ATP8B3: variants seen among roughly 807,000 people sequenced by gnomAD.
The protein encoded by ATP8B3 is ATPase phospholipid transporting 8B3.
Under a neutral mutation model 140.9 loss-of-function variants are expected in ATP8B3, and 141 were observed. The ratio of observed to expected loss-of-function variants is 1.00; its 90% confidence interval spans 0.87 to 1.15. The LOEUF (loss-of-function observed/expected upper bound fraction) is 1.15. Among genes scored for constraint, ATP8B3 ranks in the 50% most tolerant of loss-of-function variants. ATP8B3 has a pLI of 0.00. For missense variants in ATP8B3, 1,874 were observed against 1,740.6 expected (o/e 1.08, Z -1.36); for synonymous variants, 765 against 714.6 (o/e 1.07, Z -1.13).
Position 1,784,895 on chromosome 19 carries a change from A to AGGACCT in ATP8B3, c.3583_3584insAGGTCC (p.Leu1194_Leu1195insGlnVal). On this transcript the variant is annotated inframe_insertion, in exon 28 of 29. Transcript: ENST00000310127. The stretch of plus-strand genomic sequence containing the variant: ...AGGGAAGGTGTTTATGGACACACTC[A>AGGACCT]GCAGGACCACCAGCAGGATGGAGGG... The AGGACCT allele has an allele frequency of 6.2e-7, 1 of 1,613,346 alleles. No individual in the cohort carries two copies. Among genetic ancestry groups the AGGACCT allele is most frequent in the Non-Finnish European group, 8.5e-7 (1 of 1,179,732 alleles).
At chr19:1,811,433 C>G (rs1384193953) in intron 2 of ATP8B3, 56 bp downstream of exon 2, 33 of 1,559,968 alleles carry the variant, frequency 2.1e-5, no homozygotes, top group Non-Finnish European at 2.9e-5. Flanking sequence ...CTAGCAGTGC[C>G]CTCCCCGCCA....
In ATP8B3 at chr19:1,791,835, G is replaced by GA; in HGVS notation, c.2216_2217insT (p.Arg740GlnfsTer8). 1.2e-6 allele frequency: 2 copies of GA among 1,611,432 alleles called. No individual in the cohort carries two copies. Among genetic ancestry groups the GA allele is most frequent in the Non-Finnish European group, 1.7e-6 (2 of 1,179,802 alleles). Reference sequence around the variant, plus strand: ...TTTCAGGGACACCGTCCTGGAGTCTGTCCTCGATGGCTGTGGCTCCCAGCA... The same window carrying GA: ...TTTCAGGGACACCGTCCTGGAGTCTGATCCTCGATGGCTGTGGCTCCCAGCA... On this transcript the variant is annotated frameshift_variant, in exon 20 of 29. Coordinates refer to ENST00000310127, the MANE Select transcript of ATP8B3 (RefSeq NM_138813.4). LOFTEE classifies it high-confidence loss of function.
At chr19:1,785,040 T>C in intron 27 of ATP8B3, 94 bp from the exon 28 acceptor site, 1 of 1,502,056 alleles carries the variant, frequency 6.7e-7, no homozygotes. Context: ...GCCTGGTCCA[T>C]AAAGGAGCGC....
chr19:1,805,460 G>T lies in ATP8B3; in HGVS notation c.822-4C>A. On this transcript the variant is annotated splice_polypyrimidine_tract_variant and splice_region_variant and intron_variant, in intron 9 of 28. Transcript: ENST00000310127. This position sits in a 1 kb window ranked among gnomAD's most constrained non-coding sequence, Gnocchi z 5.2. ...TCTGAACTTCAAGTTGGTCTCCCTG[G>T]TGACGAGGAGAGGAGGGAGGTGAAA... is the stretch of plus-strand genomic sequence containing the variant. 6.4e-6 allele frequency: 10 copies of T among 1,557,676 alleles called. No homozygotes were observed. The highest frequency in any genetic ancestry group is 8.7e-6 in the Non-Finnish European group (10 of 1,148,646).
chr19:1,792,579 C>CAAA (rs3050768), intron 18 of ATP8B3, among the ~76,000 whole-genome samples: 1,108 of 95,204 alleles, frequency 0.012, 18 homozygotes, highest in African/African-American at 0.033. Context: ...GACTCCATCT[C>CAAA]AAAAAAAAAA....
At chr19:1,810,765 C>G in intron 2 of ATP8B3, 82 bp from the exon 3 acceptor site, 1 of 1,345,862 alleles carries the variant, frequency 7.4e-7, no homozygotes, top group Non-Finnish European at 1.0e-6. Flanking sequence ...AGCTCACAGC[C>G]TAGGGGCCGA....
rs371744041 is a variant in ATP8B3 at position 1,800,083 on chromosome 19, G to C, written c.1416C>G (p.Asp472Glu). 1.3e-6 allele frequency: 2 copies of C among 1,579,266 alleles called. No homozygotes were observed. The highest frequency in any genetic ancestry group is 1.7e-6 in the Non-Finnish European group (2 of 1,162,770). The change falls in exon 14 of 29, where the codon GAC becomes GAG. Residue 472 changes from aspartate to glutamate, a missense_variant. This residue lies in a region of ATP8B3 where 1,032 missense variants were observed against 963.6 expected (regional missense o/e 1.07). Coordinates refer to ENST00000310127, the MANE Select transcript of ATP8B3 (RefSeq NM_138813.4). This position sits in a 1 kb window ranked among gnomAD's most constrained non-coding sequence, Gnocchi z 4.4. ...TGGTGCTGCGGGCCTTGGCAGGCAC[G>C]TCCTGCGGCTTGTAGTACATCTGCA... ...WDVQMYYKPQ[D>E]VPAKARSTSL...
chr19:1,793,030 G>T (rs1051675158), intron 18 of ATP8B3, among the ~76,000 whole-genome samples: 1 of 151,358 alleles, frequency 6.6e-6, no homozygotes, highest in Non-Finnish European at 1.5e-5. Context: ...GACCTTCTTG[G>T]AGGACTGTTT....
chr19:1,798,308 A>G lies in ATP8B3; in HGVS notation c.1553-1303T>C, dbSNP rs1332989716. ...ACTAAATTATGACCCAGTCCAAACC[A>G]CGTGCCCTGGTTATAAATTAGACCC... On this transcript the variant is annotated intron_variant, in intron 14 of 28. Coordinates refer to ENST00000310127, the MANE Select transcript of ATP8B3 (RefSeq NM_138813.4). 1.3e-5 allele frequency among the ~76,000 whole-genome samples: 2 copies of G among 151,920 alleles called. 1 individual carries two copies. Among genetic ancestry groups the G allele is most frequent in the African/African-American group, 4.9e-5 (2 of 41,234 alleles).
At chr19:1,804,816 A>G (rs1327602643) in intron 10 of ATP8B3, among the ~76,000 whole-genome samples, 3 of 152,212 alleles carry the variant, frequency 2.0e-5, no homozygotes, top group Non-Finnish European at 4.4e-5. Flanking sequence ...CAAAAAAAGA[A>G]AAAGAAAAAG....
rs77887418 is a variant in ATP8B3, at chr19:1,800,830, A to T, written c.1153-381T>A. ...GAGATAGAAAAACTTTTTTTTTTTT[A>T]ATTTTTTTTTTTTTTTGAGACAGAG... On this transcript the variant is annotated intron_variant, in intron 12 of 28. Coordinates refer to ENST00000310127, the MANE Select transcript of ATP8B3 (RefSeq NM_138813.4). The surrounding 1 kb of genome is among the most constrained non-coding windows in gnomAD (Gnocchi z 4.4). Among the ~76,000 whole-genome samples, 6 of 147,288 alleles carry T rather than the reference A, an allele frequency of 4.1e-5. No individual in the cohort carries two copies. Among genetic ancestry groups the T allele is most frequent in the Admixed American group, 6.8e-5 (1 of 14,756 alleles).
In ATP8B3 at chr19:1,807,138, C is replaced by T; in HGVS notation, c.615+30G>A. ...CCCCCCCGACCGGCCCCGCTCCCTC[C>T]CCCAGGCAGCTGCATCCAACAGCAC... On this transcript the variant is annotated intron_variant, in intron 6 of 28. Coordinates refer to ENST00000310127, the MANE Select transcript of ATP8B3 (RefSeq NM_138813.4). The surrounding 1 kb of genome is among the most constrained non-coding windows in gnomAD (Gnocchi z 5.9). 1 of 1,593,028 alleles carries T rather than the reference C, an allele frequency of 6.3e-7. No individual in the cohort carries two copies.
chr19:1,788,474 A>C (rs1045794664), intron 24 of ATP8B3, among the ~76,000 whole-genome samples: 12 of 152,080 alleles, frequency 7.9e-5, no homozygotes, highest in South Asian at 6.2e-4. Flanking sequence ...ACATGGTGAA[A>C]CCCTGTCTCT....
chr19:1,797,831 G>T (rs1164006697), intron 14 of ATP8B3, among the ~76,000 whole-genome samples: 1 of 151,894 alleles, frequency 6.6e-6, no homozygotes, highest in Non-Finnish European at 1.5e-5. Flanking sequence ...TAGAAATGGG[G>T]TCCTACTCTG....
intron 24 of ATP8B3, among the ~76,000 whole-genome samples, chr19:1,787,916 T>G (rs4316880): frequency 6.6e-6 from 1 of 151,460 alleles, no homozygotes; most frequent in Non-Finnish European, 1.5e-5. Context: ...GTGGCAGGTG[T>G]CTGTAATCTC....
At chr19:1,802,398 C>A in intron 11 of ATP8B3, 89 bp downstream of exon 11, 1 of 648,710 alleles carries the variant, frequency 1.5e-6, no homozygotes, top group East Asian at 2.9e-5. Flanking sequence ...CACATCCATC[C>A]ACCCACCTAC....
At position 1,794,217 on chromosome 19, in the gene ATP8B3, G is replaced by A. The variant is rs77933081; in HGVS notation, c.2055+1658C>T. On this transcript the variant is annotated intron_variant, in intron 18 of 28. Coordinates refer to ENST00000310127, the MANE Select transcript of ATP8B3 (RefSeq NM_138813.4). The surrounding 1 kb of genome is among the most constrained non-coding windows in gnomAD (Gnocchi z 4.8). The stretch of plus-strand genomic sequence containing the variant: ...TTCCCTTTTGTTGTTGATGGGGCAC[G>A]GGTCCAAGAGCTTGGGCTTGACACA... 0.011 allele frequency among the ~76,000 whole-genome samples: 1,651 copies of A among 152,232 alleles called. 29 individuals are homozygous for A. Among genetic ancestry groups the A allele is most frequent in the African/African-American group, 0.037 (1,517 of 41,522 alleles).
At chr19:1,796,577 T>C in intron 16 of ATP8B3, 134 bp downstream of exon 16, 2 of 1,178,970 alleles carry the variant, frequency 1.7e-6, no homozygotes, top group South Asian at 3.2e-5. Flanking sequence ...GTGCGGCTGG[T>C]GTCACACCGG....
In ATP8B3 at chr19:1,790,779, T is replaced by G; in HGVS notation, c.2356A>C (p.Ile786Leu). 1 of 1,598,490 alleles carries G rather than the reference T, an allele frequency of 6.3e-7. No homozygotes were observed. The highest frequency in any genetic ancestry group is 8.5e-7 in the Non-Finnish European group (1 of 1,172,878). ...TACCTAATCTCCTTCTCCTCCAGAA[T>G]GAGCATATTCTCTGACAGCAGCTCG... ...ACELLSENML[I>L]LEEKEISRIL... Residue 786 changes from isoleucine (I) to leucine (L), a missense_variant, in exon 21 of 29, where the codon ATT becomes CTT. This residue lies in a region of ATP8B3 where 840 missense variants were observed against 760.9 expected (regional missense o/e 1.10). Coordinates refer to ENST00000310127, the MANE Select transcript of ATP8B3 (RefSeq NM_138813.4).
Sources: gnomAD v4.1 joint callset for allele counts (sites outside exome capture counted in the v4.1 genomes callset) on GRCh38, gnomAD v4.1.1 for gene constraint, gnomAD v4.1.1 regional missense constraint, Gnocchi (gnomAD v3.1) non-coding constraint, MANE v1.5 for transcripts, NCBI Gene and HGNC (gene_info 2026-07-23, HGNC 2026-07-21) for gene names.